GLG1: variants seen among roughly 807,000 people sequenced by gnomAD.
The protein encoded by GLG1 is golgi glycoprotein 1.
Under a neutral mutation model 160.5 loss-of-function variants are expected in GLG1, and 38 were observed. The ratio of observed to expected loss-of-function variants is 0.24; its 90% CI spans 0.18 to 0.31. GLG1 has a LOEUF of 0.31. Ranked by LOEUF, GLG1 falls within the 10% of genes least tolerant of loss-of-function variation. The pLI is 1.00. For synonymous variants in GLG1, 644 were observed against 543.4 expected (o/e 1.19, Z -2.57); for missense variants, 1,373 against 1,505.2 (o/e 0.91, Z 1.45).
chr16:74,473,379 A>G (rs1421780101), intron 13 of GLG1, among the ~76,000 whole-genome samples: 2 of 149,010 alleles, frequency 1.3e-5, no homozygotes, highest in African/African-American at 2.5e-5. Flanking sequence ...ACGCCCAGCT[A>G]ATTTTTGTAT....
At chr16:74,572,419 G>A (rs1007290140) in intron 1 of GLG1, among the ~76,000 whole-genome samples, 1 of 151,674 alleles carries the variant, frequency 6.6e-6, no homozygotes, top group Non-Finnish European at 1.5e-5. Flanking sequence ...GCTGAGGCAG[G>A]AGAGTCACTT....
At chr16:74,559,085 G>A (rs1311847856) in intron 1 of GLG1, among the ~76,000 whole-genome samples, 4 of 152,010 alleles carry the variant, frequency 2.6e-5, no homozygotes, top group African/African-American at 9.7e-5. Flanking sequence ...TGCCCAGGCT[G>A]GTCATGAACT....
intron 1 of GLG1, among the ~76,000 whole-genome samples, chr16:74,577,348 C>A (rs1046139460): frequency 6.6e-6 from 1 of 151,786 alleles, no homozygotes; most frequent in Non-Finnish European, 1.5e-5. Flanking sequence ...ATGGTGAAAC[C>A]CCATCTCTAC....
intron 11 of GLG1, among the ~76,000 whole-genome samples, chr16:74,477,803 G>A (rs1484536117): frequency 1.3e-5 from 2 of 151,690 alleles, no homozygotes; most frequent in Non-Finnish European, 2.9e-5. Flanking sequence ...GAGAAACCCT[G>A]TCTCTACTAA....
chr16:74,519,823 A>C (rs2017102466), intron 2 of GLG1, among the ~76,000 whole-genome samples: 1 of 152,124 alleles, frequency 6.6e-6, no homozygotes, highest in Non-Finnish European at 1.5e-5. Context: ...TGTCACTTTT[A>C]GATATTCTGT....
At chr16:74,563,890 G>C (rs1424500818) in intron 1 of GLG1, among the ~76,000 whole-genome samples, 3 of 152,116 alleles carry the variant, frequency 2.0e-5, no homozygotes, top group Non-Finnish European at 2.9e-5. Context: ...TTGCCTACTG[G>C]CTAATCAGGG....
In GLG1 at chr16:74,584,789, G is replaced by A. The variant is rs577619954; in HGVS notation, c.438+21868C>T. ...AAATTAGCTGGGTGTGGTGGTGCGCGCCTGTAGTCCCAGCTACTTGGGAGG... is the reference window on the plus strand; with the variant it reads ...AAATTAGCTGGGTGTGGTGGTGCGCACCTGTAGTCCCAGCTACTTGGGAGG... On this transcript the variant is annotated intron_variant, in intron 1 of 25. Coordinates refer to ENST00000422840, the MANE Select transcript of GLG1 (RefSeq NM_001145667.2). Among the ~76,000 whole-genome samples, 11 of 151,984 alleles carry A rather than the reference G, an allele frequency of 7.2e-5. No individual in the cohort carries two copies. The East Asian group carries it at 9.7e-4, about 13-fold the overall frequency.
At chr16:74,525,598 G>A (rs1292730387) in intron 2 of GLG1, among the ~76,000 whole-genome samples, 1 of 149,662 alleles carries the variant, frequency 6.7e-6, no homozygotes, top group Admixed American at 6.7e-5. Context: ...ACCCAGCCCT[G>A]CATTTCCTTA....
intron 1 of GLG1, among the ~76,000 whole-genome samples, chr16:74,546,439 T>C (rs2018048451): frequency 6.6e-6 from 1 of 152,164 alleles, no homozygotes; most frequent in Non-Finnish European, 1.5e-5. Flanking sequence ...AGTAAGACTC[T>C]GTCTTAACAA....
At chr16:74,508,696 C>T (rs2016699379) in intron 3 of GLG1, 143 bp downstream of exon 3, 4 of 568,626 alleles carry the variant, frequency 7.0e-6, no homozygotes, top group Non-Finnish European at 1.3e-5. Flanking sequence ...TCTAATTACA[C>T]CCCCCAACTT....
intron 10 of GLG1, 119 bp from the exon 11 acceptor site, chr16:74,480,513 TGGAGACAGAAGATA>T: frequency 1.6e-6 from 1 of 637,182 alleles, no homozygotes; most frequent in Non-Finnish European, 2.7e-6. Context: ...TCCAGGGGCG[TGGAGACAGAAGATA>T]TGTAAAAGTA....
chr16:74,541,075 C>T (rs2017851749), intron 1 of GLG1, among the ~76,000 whole-genome samples: 1 of 152,136 alleles, frequency 6.6e-6, no homozygotes, highest in Admixed American at 6.5e-5. Flanking sequence ...TCTGTAATCC[C>T]TGCACTTTGG....
At chr16:74,501,248 T>C (rs950955025) in intron 4 of GLG1, among the ~76,000 whole-genome samples, 3 of 152,168 alleles carry the variant, frequency 2.0e-5, no homozygotes, top group Non-Finnish European at 2.9e-5. Context: ...GTGAATGATA[T>C]AGGAAGGAAG....
intron 2 of GLG1, among the ~76,000 whole-genome samples, chr16:74,517,786 T>C (rs953604582): frequency 6.6e-5 from 10 of 152,302 alleles, no homozygotes; most frequent in African/African-American, 2.2e-4. Flanking sequence ...GACATGACTG[T>C]ATATTTAGAA....
chr16:74,577,665 G>A (rs1021047531), intron 1 of GLG1, among the ~76,000 whole-genome samples: 2 of 151,942 alleles, frequency 1.3e-5, no homozygotes, highest in Non-Finnish European at 2.9e-5. Flanking sequence ...CCAGGATGGA[G>A]GGTAGTGGCA....
intron 18 of GLG1, among the ~76,000 whole-genome samples, chr16:74,467,440 A>C (rs953514335): frequency 6.6e-6 from 1 of 152,214 alleles, no homozygotes; most frequent in Admixed American, 6.5e-5. Flanking sequence ...GGAGGTGCAG[A>C]GCATTGAGAA....
intron 1 of GLG1, 94 bp from the exon 2 acceptor site, chr16:74,532,247 A>G: frequency 2.4e-6 from 1 of 415,926 alleles, no homozygotes; most frequent in Non-Finnish European, 4.2e-6. Context: ...CCACCAAAAT[A>G]AACTCAAAAC....
intron 22 of GLG1, 128 bp downstream of exon 22, chr16:74,461,966 A>G: frequency 1.7e-6 from 1 of 602,350 alleles, no homozygotes; most frequent in Non-Finnish European, 3.0e-6. Context: ...GACCATGGAG[A>G]GCCTAGAAGA....
intron 1 of GLG1, among the ~76,000 whole-genome samples, chr16:74,538,507 G>A: frequency 6.6e-6 from 1 of 152,160 alleles, no homozygotes; most frequent in Non-Finnish European, 1.5e-5. Flanking sequence ...TTTCCTCTTA[G>A]TGCCTTATTC....
Sources: allele counts gnomAD v4.1 joint callset (sites outside exome capture counted in the v4.1 genomes callset), GRCh38; gene constraint gnomAD v4.1.1; transcripts MANE v1.5; gene names NCBI Gene and HGNC (gene_info 2026-07-23, HGNC 2026-07-21).